PTPRO: variants seen among roughly 807,000 people sequenced by gnomAD.
The protein encoded by PTPRO is protein tyrosine phosphatase receptor type O.
Under a neutral mutation model 145.2 loss-of-function variants are expected in PTPRO, and 62 were observed. The ratio of observed to expected loss-of-function variants is 0.43; its 90% CI spans 0.35 to 0.53. The LOEUF is 0.53. Among genes scored for constraint, PTPRO ranks in the 20% least tolerant of loss-of-function variants. The pLI, the probability that PTPRO is intolerant of heterozygous loss-of-function variation, is 0.01. For missense variants in PTPRO, 1,345 were observed against 1,482.7 expected (o/e 0.91, Z 1.53); for synonymous variants, 565 against 514.7 (o/e 1.10, Z -1.32).
chr12:15,555,440 G>A (rs1054519886), intron 15 of PTPRO, among the ~76,000 whole-genome samples: 1 of 152,176 alleles, frequency 6.6e-6, no homozygotes, highest in Non-Finnish European at 1.5e-5. Flanking sequence ...AACTAAGGGA[G>A]TGTGGTGGCC....
rs56022593 is a variant in PTPRO at position 15,449,384 on chromosome 12, C to A, written c.76-34590C>A. 2.3e-3 allele frequency among the ~76,000 whole-genome samples: 357 copies of A among 152,280 alleles called. 3 individuals are homozygous for A. Among genetic ancestry groups the A allele is most frequent in the African/African-American group, 8.3e-3 (343 of 41,550 alleles). On this transcript the variant is annotated intron_variant, in intron 1 of 26. Transcript: ENST00000281171. ...GGACTCATATATAGAAGTATGGAGTCCTTCTCAGACCATATTTAGTTTGCT... is the reference window on the plus strand; with the variant it reads ...GGACTCATATATAGAAGTATGGAGTACTTCTCAGACCATATTTAGTTTGCT...
intron 9 of PTPRO, among the ~76,000 whole-genome samples, chr12:15,518,019 T>TC (rs56850430): frequency 1 from 152,355 of 152,358 alleles, 76,176 homozygotes; most frequent in Non-Finnish European, 1. Flanking sequence ...GCCCCACATT[T>TC]CCTTTTACAT....
At chr12:15,404,805 A>G (rs1305325890) in intron 1 of PTPRO, among the ~76,000 whole-genome samples, 1 of 152,198 alleles carries the variant, frequency 6.6e-6, no homozygotes, top group Middle Eastern at 3.2e-3. Context: ...ATTTGGCAAC[A>G]GATAGTTGTC....
intron 1 of PTPRO, among the ~76,000 whole-genome samples, chr12:15,394,853 A>G (rs1455975948): frequency 6.6e-6 from 1 of 152,216 alleles, no homozygotes; most frequent in Non-Finnish European, 1.5e-5. Context: ...AGTTTCTGTA[A>G]GATTTATTTG....
At chr12:15,549,419 G>A (rs868310149) in intron 14 of PTPRO, among the ~76,000 whole-genome samples, 193 bp downstream of exon 14, 1 of 151,994 alleles carries the variant, frequency 6.6e-6, no homozygotes, top group African/African-American at 2.4e-5. Flanking sequence ...TCTTTCATCT[G>A]TAAAATTGGA....
chr12:15,431,508 T>C (rs1940437986), intron 1 of PTPRO, among the ~76,000 whole-genome samples: 1 of 152,226 alleles, frequency 6.6e-6, no homozygotes. Flanking sequence ...AACATTTTAG[T>C]AGGTGTGCAA....
chr12:15,497,373 G>A lies in PTPRO; in HGVS notation c.478G>A (p.Gly160Ser). The change falls in exon 3 of 27, where the codon GGT becomes AGT. Residue 160 changes from glycine (G) to serine (S), a missense_variant. Physicochemically the swap from Gly to Ser is moderately conservative, Grantham distance 56. Around this residue, in one of 3 missense-constraint regions of PTPRO, gnomAD observed 1,130 missense variants for 1,214.7 expected, o/e 0.93. Coordinates refer to ENST00000281171, the MANE Select transcript of PTPRO (RefSeq NM_030667.3). ...AAGAGTGAACATTAGCTACTGGGAAGGTAAAGACTTCCGGACAATGCTATA... is the reference window on the plus strand; with the variant it reads ...AAGAGTGAACATTAGCTACTGGGAAAGTAAAGACTTCCGGACAATGCTATA... ...FTRVNISYWEGKDFRTMLYKD... is the reference protein window; with the variant it reads ...FTRVNISYWESKDFRTMLYKD... 4 of 1,613,430 alleles carry A rather than the reference G, an allele frequency of 2.5e-6. No homozygotes were observed. Among genetic ancestry groups the A allele is most frequent in the African/African-American group, 1.3e-5 (1 of 75,014 alleles).
chr12:15,443,533 A>T (rs1461524344), intron 1 of PTPRO, among the ~76,000 whole-genome samples: 1 of 152,198 alleles, frequency 6.6e-6, no homozygotes, highest in East Asian at 1.9e-4. Flanking sequence ...CTGCACACCG[A>T]AAGAAACTAT....
At chr12:15,384,266 T>G (rs1938953366) in intron 1 of PTPRO, among the ~76,000 whole-genome samples, 1 of 152,218 alleles carries the variant, frequency 6.6e-6, no homozygotes, top group African/African-American at 2.4e-5. Flanking sequence ...CCTTTGAATA[T>G]GTACCTAGTA....
rs1282126685 is a variant in PTPRO, at chr12:15,581,690, C to T, written c.3144C>T (p.Asp1048=). The T allele has an allele frequency of 1.9e-5, 31 of 1,613,768 alleles. No homozygotes were observed. Among genetic ancestry groups the T allele is most frequent in the Admixed American group, 5.0e-5 (3 of 59,998 alleles). ...QCNEKRRVKC[D]HYWPFTEEPI... is the part of the protein sequence containing the mutation. ...TGTCCTTGCTCCAGGTGAAATGTGA[C>T]CATTACTGGCCATTCACGGAAGAAC... is the stretch of plus-strand genomic sequence containing the variant. The change falls in exon 23 of 27, where the codon GAC becomes GAT. Residue 1048 remains aspartate, a synonymous_variant. Coordinates refer to ENST00000281171, the MANE Select transcript of PTPRO (RefSeq NM_030667.3).
rs762326254 is a variant in PTPRO, at chr12:15,501,645, C to T, written c.687C>T (p.Ser229=). Residue 229 remains serine (S), a synonymous_variant, in exon 5 of 27, where the codon TCC becomes TCT. Transcript: ENST00000281171. ...CCCCTTATCCACCTCAAAATATTTCCGTTCGTATCGTAAACTTGAACAAAA... is the reference window on the plus strand; with the variant it reads ...CCCCTTATCCACCTCAAAATATTTCTGTTCGTATCGTAAACTTGAACAAAA... ...RTAPYPPQNI[S]VRIVNLNKNN... is the part of the protein sequence containing the mutation. The T allele has an allele frequency of 5.0e-6, 8 of 1,613,748 alleles. No individual in the cohort carries two copies. The highest frequency in any genetic ancestry group is 1.7e-5 in the Admixed American group (1 of 59,988).
At chr12:15,434,486 A>G (rs1397980075) in intron 1 of PTPRO, among the ~76,000 whole-genome samples, 1 of 152,212 alleles carries the variant, frequency 6.6e-6, no homozygotes, top group African/African-American at 2.4e-5. Flanking sequence ...GGAAAAGGGG[A>G]AAATTGCTTT....
At chr12:15,407,315 T>C (rs1401008369) in intron 1 of PTPRO, among the ~76,000 whole-genome samples, 3 of 152,212 alleles carry the variant, frequency 2.0e-5, no homozygotes, top group African/African-American at 7.2e-5. Context: ...TGAAGGCTCA[T>C]TGAAATTCAT....
At chr12:15,483,831 C>T in intron 1 of PTPRO, 143 bp from the exon 2 acceptor site, 3 of 825,026 alleles carry the variant, frequency 3.6e-6, no homozygotes, top group East Asian at 2.6e-5. Context: ...ACCTATGTAA[C>T]TCTATTTTAA....
chr12:15,375,007 C>G (rs1396964479), intron 1 of PTPRO, among the ~76,000 whole-genome samples: 2 of 152,186 alleles, frequency 1.3e-5, no homozygotes, highest in Non-Finnish European at 2.9e-5. Context: ...CCAACACACA[C>G]AAAGCCTCTT....
At chr12:15,391,551 C>T (rs943988817) in intron 1 of PTPRO, among the ~76,000 whole-genome samples, 3 of 152,148 alleles carry the variant, frequency 2.0e-5, no homozygotes, top group African/African-American at 7.2e-5. Flanking sequence ...ATGAACACTG[C>T]GATTCCACAC....
intron 1 of PTPRO, among the ~76,000 whole-genome samples, chr12:15,476,682 G>T (rs1422853429): frequency 1.3e-5 from 2 of 151,944 alleles, no homozygotes; most frequent in Non-Finnish European, 2.9e-5. Flanking sequence ...TTTCTTCTAG[G>T]GTTTTTATGG....
In PTPRO at chr12:15,493,124, GA is replaced by G. The variant is rs768791968; in HGVS notation, c.350-4119del. 1.1e-4 allele frequency among the ~76,000 whole-genome samples: 17 copies of G among 152,214 alleles called. No homozygotes were observed. The East Asian group carries it at 3.3e-3, about 29-fold the overall frequency. ...GAAAAAAAGCGAAGTATCTACAAAG[GA>G]ATGACTATTCTACTGACAGAAGTCT... is the stretch of plus-strand genomic sequence containing the variant. On this transcript the variant is annotated intron_variant, in intron 2 of 26. Coordinates refer to ENST00000281171, the MANE Select transcript of PTPRO (RefSeq NM_030667.3).
chr12:15,500,533 C>A (rs752426171), intron 4 of PTPRO, among the ~76,000 whole-genome samples: 30 of 152,090 alleles, frequency 2.0e-4, no homozygotes, highest in Admixed American at 4.6e-4. Context: ...TCATAATACA[C>A]GAATGGCACT....
Sources: allele counts gnomAD v4.1 joint callset (sites outside exome capture counted in the v4.1 genomes callset), GRCh38; gene constraint gnomAD v4.1.1; regional missense constraint gnomAD v4.1.1; transcripts MANE v1.5; gene names NCBI Gene and HGNC (gene_info 2026-07-23, HGNC 2026-07-21).